The following ZNF804B variants were observed in gnomAD, a reference collection of about 807,000 sequenced individuals.
ZNF804B encodes zinc finger 804B.
ZNF804B carries 80 observed loss-of-function variants against 101.4 expected under a neutral mutation model. The observed-to-expected ratio is 0.79, with a 90% confidence interval of 0.66 to 0.95. The LOEUF is 0.95. Ranked by LOEUF, ZNF804B falls within the 40% of genes least tolerant of loss-of-function variation. The pLI, the probability that ZNF804B is intolerant of heterozygous loss-of-function variation, is 0.00. For synonymous variants in ZNF804B, 622 were observed against 558.8 expected (o/e 1.11, Z -1.59); for missense variants, 1,673 against 1,561.9 (o/e 1.07, Z -1.20).
chr7:89,067,081 T>C (rs1403479053), intron 1 of ZNF804B, among the ~76,000 whole-genome samples: 1 of 152,166 alleles, frequency 6.6e-6, no homozygotes, highest in Non-Finnish European at 1.5e-5. Flanking sequence ...GTTACACTTG[T>C]ATCAGTCAGG....
In ZNF804B at chr7:88,865,827, T is replaced by C. The variant is rs954402355; in HGVS notation, c.108+105743T>C. ...ATGTCTTTGTAACTCGGACCAAATG[T>C]CATCTATGCCACTTGCTGACCCTTT... On this transcript the variant is annotated intron_variant, in intron 1 of 3. Transcript: ENST00000333190. Among the ~76,000 whole-genome samples, 8 of 152,250 alleles carry C rather than the reference T, an allele frequency of 5.3e-5. No individual in the cohort carries two copies. In the South Asian group the frequency reaches 1.7e-3, roughly 32 times the overall value.
intron 1 of ZNF804B, among the ~76,000 whole-genome samples, chr7:89,013,251 A>C (rs1455203253): frequency 6.6e-6 from 1 of 152,204 alleles, no homozygotes. Context: ...AGGTAATTTT[A>C]AATAAGCCAT....
chr7:89,292,962 C>G (rs1417051015), intron 2 of ZNF804B, among the ~76,000 whole-genome samples: 1 of 151,878 alleles, frequency 6.6e-6, no homozygotes, highest in Non-Finnish European at 1.5e-5. Flanking sequence ...AATTTAGAGA[C>G]TTAAATAAAT....
At chr7:89,241,818 G>A (rs1320775962) in intron 2 of ZNF804B, among the ~76,000 whole-genome samples, 1 of 142,744 alleles carries the variant, frequency 7.0e-6, no homozygotes, top group African/African-American at 2.6e-5. Flanking sequence ...TTTTTTTTCT[G>A]CAGTCCTATT....
chr7:89,026,167 G>T (rs570160194), intron 1 of ZNF804B, among the ~76,000 whole-genome samples: 226 of 152,224 alleles, frequency 1.5e-3, no homozygotes, highest in Non-Finnish European at 2.3e-3. Flanking sequence ...TATGTCCTCA[G>T]GAAGCTACAA....
rs578127450 is a variant in ZNF804B, at chr7:89,238,005, C to T, written c.249+19710C>T. ...CTCTCACAAATACTAGAGATCTGAG[C>T]ATATCTGTCTGCAGATGGGAAGAAT... is the stretch of plus-strand genomic sequence containing the variant. On this transcript the variant is annotated intron_variant, in intron 2 of 3. Transcript: ENST00000333190. Among the ~76,000 whole-genome samples the T allele has an allele frequency of 2.6e-5, 4 of 152,232 alleles. No homozygotes were observed. The East Asian group carries it at 5.8e-4, about 22-fold the overall frequency.
chr7:88,793,053 A>C (rs1048083729), intron 1 of ZNF804B, among the ~76,000 whole-genome samples: 1 of 152,056 alleles, frequency 6.6e-6, no homozygotes, highest in Non-Finnish European at 1.5e-5. Context: ...AATGAAAAAA[A>C]AATAATAAAA....
At chr7:89,175,162 A>T (rs1442221613) in intron 1 of ZNF804B, among the ~76,000 whole-genome samples, 1 of 147,356 alleles carries the variant, frequency 6.8e-6, no homozygotes, top group Non-Finnish European at 1.5e-5. Context: ...CAGACTAATG[A>T]CCTGGAGAGT....
intron 1 of ZNF804B, 70 bp downstream of exon 1, chr7:88,760,154 G>A: frequency 7.7e-7 from 1 of 1,292,376 alleles, no homozygotes; most frequent in Non-Finnish European, 1.1e-6. Context: ...GATATTGAGA[G>A]ATAGTATCCT....
At chr7:89,292,532 C>T (rs1475146572) in intron 2 of ZNF804B, among the ~76,000 whole-genome samples, 1 of 151,796 alleles carries the variant, frequency 6.6e-6, no homozygotes, top group Non-Finnish European at 1.5e-5. Flanking sequence ...CTCATGGTAA[C>T]TTCAAATCTA....
chr7:88,918,641 G>T (rs1052245504), intron 1 of ZNF804B, among the ~76,000 whole-genome samples: 2 of 152,018 alleles, frequency 1.3e-5, no homozygotes, highest in Admixed American at 6.6e-5. Flanking sequence ...TACAATTTTT[G>T]ACTGTTATAT....
intron 3 of ZNF804B, among the ~76,000 whole-genome samples, chr7:89,331,652 A>C (rs777470751): frequency 4.6e-5 from 7 of 151,684 alleles, no homozygotes; most frequent in Non-Finnish European, 1.0e-4. Context: ...GGCTAAAATT[A>C]GTGTTTGCAA....
chr7:89,017,363 C>T (rs1308908171), intron 1 of ZNF804B, among the ~76,000 whole-genome samples: 1 of 152,162 alleles, frequency 6.6e-6, no homozygotes, highest in Non-Finnish European at 1.5e-5. Flanking sequence ...GCCAGAACTT[C>T]CAACACTATG....
intron 1 of ZNF804B, among the ~76,000 whole-genome samples, chr7:89,165,173 A>G (rs552493119): frequency 1.3e-5 from 2 of 152,222 alleles, no homozygotes; most frequent in African/African-American, 4.8e-5. Context: ...AAAGAAATCA[A>G]TTTGACTTTT....
intron 1 of ZNF804B, among the ~76,000 whole-genome samples, chr7:88,927,332 T>A (rs2116011507): frequency 6.6e-6 from 1 of 152,318 alleles, no homozygotes; most frequent in Non-Finnish European, 1.5e-5. Flanking sequence ...CTCATTCTAG[T>A]AAAAGCACAA....
intron 1 of ZNF804B, among the ~76,000 whole-genome samples, chr7:89,116,425 TG>T (rs1790313692): frequency 6.6e-6 from 1 of 152,116 alleles, no homozygotes; most frequent in African/African-American, 2.4e-5. Flanking sequence ...TTTGAAAGAG[TG>T]GGTCTCCATT....
chr7:88,906,075 G>A (rs1369056686), intron 1 of ZNF804B, among the ~76,000 whole-genome samples: 2 of 151,870 alleles, frequency 1.3e-5, no homozygotes, highest in Non-Finnish European at 2.9e-5. Flanking sequence ...AGAATTGTTT[G>A]TAGTAGTCTG....
rs1346992441 is a variant in ZNF804B at position 88,835,876 on chromosome 7, G to A, written c.108+75792G>A. On this transcript the variant is annotated intron_variant, in intron 1 of 3. Coordinates refer to ENST00000333190, the MANE Select transcript of ZNF804B (RefSeq NM_181646.5). The stretch of plus-strand genomic sequence containing the variant: ...TTGAGCTCATATAAGCTCTGCATAT[G>A]CAGATTGTGTGCATGTATATGTGTT... Among the ~76,000 whole-genome samples the A allele has an allele frequency of 5.9e-5, 9 of 151,934 alleles. 1 individual carries two copies.
chr7:89,337,047 C>T lies in ZNF804B; in HGVS notation c.*15C>T. On this transcript the variant is annotated 3_prime_UTR_variant, in exon 4 of 4. Transcript: ENST00000333190. ...ACTTGAACTAATAAGTGTTAAAGCC[C>T]CTCCTGTGGATAATTTTTTTAATTG... 1.3e-6 allele frequency: 2 copies of T among 1,588,434 alleles called. No homozygotes were observed. Among genetic ancestry groups the T allele is most frequent in the Non-Finnish European group, 1.7e-6 (2 of 1,166,044 alleles).
Sources: allele counts gnomAD v4.1 joint callset (sites outside exome capture counted in the v4.1 genomes callset), GRCh38; gene constraint gnomAD v4.1.1; transcripts MANE v1.5; gene names NCBI Gene and HGNC (gene_info 2026-07-23, HGNC 2026-07-21).